NCAM2: variants seen among roughly 807,000 people sequenced by gnomAD.
NCAM2 encodes N-CAM-2.
In NCAM2, 30 loss-of-function variants were observed where a neutral mutation model predicts 98.1. That is an observed-to-expected ratio of 0.31 (90% CI 0.23 to 0.41). The LOEUF (loss-of-function observed/expected upper bound fraction) is 0.41. Ranked by LOEUF, NCAM2 falls within the 10% of genes least tolerant of loss-of-function variation. The pLI is 1.00. For synonymous variants in NCAM2, 368 were observed against 342.4 expected (o/e 1.07, Z -0.83); for missense variants, 867 against 1,005.8 (o/e 0.86, Z 1.87).
At chr21:21,394,215 A>G (rs1274267736) in intron 9 of NCAM2, among the ~76,000 whole-genome samples, 2 of 152,162 alleles carry the variant, frequency 1.3e-5, no homozygotes, top group South Asian at 2.1e-4. Context: ...TAGAATTCCC[A>G]TGGTACATGG....
intron 1 of NCAM2, among the ~76,000 whole-genome samples, chr21:20,999,662 T>C (rs1416408907): frequency 6.6e-6 from 1 of 152,204 alleles, no homozygotes; most frequent in Non-Finnish European, 1.5e-5. Context: ...TGAAATTGGT[T>C]TTTTAAAATA....
chr21:21,098,515 T>G (rs1427486821), intron 1 of NCAM2, among the ~76,000 whole-genome samples: 2 of 151,842 alleles, frequency 1.3e-5, no homozygotes, highest in Non-Finnish European at 2.9e-5. Flanking sequence ...CTTGAATTTT[T>G]TATGGTATGT....
At chr21:21,492,277 G>A (rs1175212195) in intron 15 of NCAM2, among the ~76,000 whole-genome samples, 1 of 151,740 alleles carries the variant, frequency 6.6e-6, no homozygotes, top group Non-Finnish European at 1.5e-5. Context: ...TGACCTATAA[G>A]TTATATGGTC....
chr21:21,202,973 T>A (rs919893811), intron 1 of NCAM2, among the ~76,000 whole-genome samples: 1 of 152,208 alleles, frequency 6.6e-6, no homozygotes, highest in African/African-American at 2.4e-5. Flanking sequence ...TGACCATCAC[T>A]ATCAATAACA....
At chr21:21,332,424 A>G (rs1292805373) in intron 6 of NCAM2, among the ~76,000 whole-genome samples, 1 of 152,100 alleles carries the variant, frequency 6.6e-6, no homozygotes, top group African/African-American at 2.4e-5. Context: ...TATTCTAAGG[A>G]CATGACTTAA....
intron 1 of NCAM2, among the ~76,000 whole-genome samples, chr21:21,196,870 A>G (rs1265884560): frequency 2.0e-5 from 3 of 152,054 alleles, no homozygotes; most frequent in South Asian, 2.1e-4. Context: ...TGAATGATTT[A>G]ACATCGTCCC....
intron 8 of NCAM2, among the ~76,000 whole-genome samples, chr21:21,351,616 A>T (rs1310842826): frequency 1.3e-5 from 2 of 152,194 alleles, no homozygotes; most frequent in African/African-American, 2.4e-5. Context: ...CAAAGCCTTG[A>T]TCTGAGATAT....
intron 5 of NCAM2, among the ~76,000 whole-genome samples, chr21:21,307,559 G>A (rs2073924034): frequency 6.6e-6 from 1 of 152,092 alleles, no homozygotes; most frequent in Non-Finnish European, 1.5e-5. Flanking sequence ...GCAAGACTAT[G>A]ATCTTTTCTG....
intron 9 of NCAM2, among the ~76,000 whole-genome samples, chr21:21,401,254 C>CAT (rs1308197358): frequency 1.3e-5 from 2 of 151,386 alleles, no homozygotes; most frequent in Admixed American, 6.6e-5. Context: ...GTGATATTTT[C>CAT]ATATATGTCT....
At chr21:21,446,411 T>C (rs1980145955) in intron 12 of NCAM2, among the ~76,000 whole-genome samples, 1 of 152,094 alleles carries the variant, frequency 6.6e-6, no homozygotes, top group Non-Finnish European at 1.5e-5. Context: ...CTGGATAATA[T>C]CCTGAAGTAT....
At chr21:21,352,313 G>A (rs1331468997) in intron 8 of NCAM2, among the ~76,000 whole-genome samples, 2 of 151,942 alleles carry the variant, frequency 1.3e-5, no homozygotes, top group East Asian at 3.9e-4. Flanking sequence ...GTAAAGACAG[G>A]GTTTTGTCAT....
At chr21:21,127,306 C>A (rs1722428292) in intron 1 of NCAM2, among the ~76,000 whole-genome samples, 1 of 151,710 alleles carries the variant, frequency 6.6e-6, no homozygotes, top group African/African-American at 2.4e-5. Flanking sequence ...CAAGTATAGT[C>A]AATAAATTTA....
At chr21:21,395,585 A>G (rs2076486509) in intron 9 of NCAM2, among the ~76,000 whole-genome samples, 1 of 152,144 alleles carries the variant, frequency 6.6e-6, no homozygotes, top group Admixed American at 6.5e-5. Context: ...CAGAGAGAAC[A>G]CATCTGGAGG....
intron 8 of NCAM2, among the ~76,000 whole-genome samples, chr21:21,355,933 A>G (rs2075467408): frequency 6.6e-6 from 1 of 152,158 alleles, no homozygotes. Flanking sequence ...AAGTAGGGAT[A>G]GTCACCTTTA....
intron 1 of NCAM2, among the ~76,000 whole-genome samples, chr21:21,247,238 G>C (rs2071310360): frequency 6.6e-6 from 1 of 152,072 alleles, no homozygotes; most frequent in Admixed American, 6.5e-5. Flanking sequence ...AGAATGGCGT[G>C]AACCCGGGAG....
intron 10 of NCAM2, among the ~76,000 whole-genome samples, chr21:21,414,216 C>T (rs184401041): frequency 2.5e-3 from 385 of 152,252 alleles, no homozygotes; most frequent in African/African-American, 8.8e-3. Flanking sequence ...CTATTTCCAC[C>T]GCATCTGCAG....
intron 9 of NCAM2, among the ~76,000 whole-genome samples, chr21:21,406,529 A>G (rs1012314352): frequency 3.3e-5 from 5 of 152,192 alleles, no homozygotes; most frequent in African/African-American, 1.2e-4. Context: ...GAACCTGACT[A>G]AAGTTTGATC....
intron 1 of NCAM2, among the ~76,000 whole-genome samples, chr21:21,233,711 T>A (rs898483187): frequency 1.3e-5 from 2 of 151,716 alleles, no homozygotes; most frequent in African/African-American, 4.8e-5. Flanking sequence ...TAAAACACAA[T>A]AAGTTGTATG....
chr21:21,086,963 A>G (rs996263904), intron 1 of NCAM2, among the ~76,000 whole-genome samples: 3 of 151,596 alleles, frequency 2.0e-5, no homozygotes, highest in East Asian at 1.9e-4. Context: ...AAATAACTCT[A>G]TCCTTTTGAT....
Sources: allele counts gnomAD v4.1 joint callset (sites outside exome capture counted in the v4.1 genomes callset), GRCh38; gene constraint gnomAD v4.1.1; transcripts MANE v1.5; gene names NCBI Gene and HGNC (gene_info 2026-07-23, HGNC 2026-07-21).